Variants in SYTL5 observed in about 807,000 individuals in gnomAD.
The protein encoded by SYTL5 is synaptotagmin like 5.
In SYTL5, 34 loss-of-function variants were observed where a neutral mutation model predicts 55.9. The observed-to-expected ratio is 0.61, with a 90% CI of 0.46 to 0.81. SYTL5 has a LOEUF of 0.81. Among genes scored for constraint, SYTL5 ranks in the 30% least tolerant of loss-of-function variants. The pLI, the probability that SYTL5 is intolerant of heterozygous loss-of-function variation, is 0.00. For missense variants in SYTL5, 637 were observed against 546.7 expected (o/e 1.17, Z -1.65); for synonymous variants, 221 against 188.7 (o/e 1.17, Z -1.40).
chrX:37,928,476 C>T, the SYTL5 span, among the ~76,000 whole-genome samples: 2 of 111,296 alleles, frequency 1.8e-5, no homozygotes, highest in African/African-American at 3.3e-5. Flanking sequence ...CTTACACTTA[C>T]CAAGTTGAGT....
intron 1 of SYTL5, among the ~76,000 whole-genome samples, chrX:38,011,496 C>T (rs988594927): frequency 2.2e-4 from 24 of 110,881 alleles, no homozygotes; most frequent in African/African-American, 7.9e-4. Context: ...TAGCCGGGCG[C>T]GGTGGCTGCC....
chrX:38,091,416 C>T (rs778926039), intron 7 of SYTL5, among the ~76,000 whole-genome samples: 1 of 111,960 alleles, frequency 8.9e-6, no homozygotes, highest in Admixed American at 9.4e-5. Context: ...GGATAGTTGA[C>T]GAATACACTC....
intron 4 of SYTL5, among the ~76,000 whole-genome samples, chrX:38,073,110 T>C (rs1267846486): frequency 2.7e-5 from 3 of 112,044 alleles, no homozygotes; most frequent in African/African-American, 9.7e-5. Context: ...CAATCAGCCA[T>C]GGCCTCTTCT....
intron 13 of SYTL5, among the ~76,000 whole-genome samples, chrX:38,111,138 G>A (rs983380559): frequency 3.6e-5 from 4 of 111,842 alleles, no homozygotes; most frequent in Non-Finnish European, 7.5e-5. Context: ...GTGAGTAAAG[G>A]TCACATTTAT....
chrX:38,118,205 C>T (rs781267220), intron 13 of SYTL5, among the ~76,000 whole-genome samples: 8 of 111,374 alleles, frequency 7.2e-5, no homozygotes, highest in East Asian at 2.8e-4. Flanking sequence ...ATTTTTGCCC[C>T]GGGTAAGAAG....
the SYTL5 span, chrX:37,906,187 G>T: frequency 1.8e-5 from 2 of 112,187 alleles, no homozygotes; most frequent in Non-Finnish European, 3.8e-5. Context: ...ACTGTTTGGG[G>T]GACTCGCGGG....
At chrX:38,064,427 G>A (rs1413428481) in intron 3 of SYTL5, among the ~76,000 whole-genome samples, 1 of 111,150 alleles carries the variant, frequency 9.0e-6, no homozygotes, top group Non-Finnish European at 1.9e-5. Flanking sequence ...GCATTTTACT[G>A]CTTAAGTATG....
the SYTL5 span, among the ~76,000 whole-genome samples, chrX:37,949,878 T>C: frequency 8.9e-6 from 1 of 111,908 alleles, no homozygotes; most frequent in Non-Finnish European, 1.9e-5. Flanking sequence ...TTAATTCCAC[T>C]CTAGATCTCT....
chrX:37,974,137 C>A, the SYTL5 span, among the ~76,000 whole-genome samples: 1 of 111,234 alleles, frequency 9.0e-6, no homozygotes, highest in South Asian at 3.7e-4. Flanking sequence ...TACAGTATGG[C>A]AACTATAGTT....
chrX:38,073,487 C>T (rs991955274), intron 4 of SYTL5, 103 bp from the exon 5 acceptor site: 1 of 579,072 alleles, frequency 1.7e-6, no homozygotes, highest in Non-Finnish European at 2.7e-6. Context: ...TTATAGACTT[C>T]CTTGCCCTGA....
chrX:38,056,460 C>A (rs983703544), intron 3 of SYTL5, among the ~76,000 whole-genome samples: 4 of 111,621 alleles, frequency 3.6e-5, no homozygotes, highest in African/African-American at 6.5e-5. Context: ...ATACTGATTT[C>A]TTTTCTTTTG....
chrX:37,968,478 CTTCTTAAATAGTCCTATGA>C, the SYTL5 span, among the ~76,000 whole-genome samples: 1 of 110,651 alleles, frequency 9.0e-6, no homozygotes, highest in Non-Finnish European at 1.9e-5. Context: ...TTTGATAAGG[CTTCTTAAATAGTCCTATGA>C]TTCTGTGGGA....
intron 13 of SYTL5, among the ~76,000 whole-genome samples, chrX:38,119,032 T>G (rs1937539471): frequency 9.4e-6 from 1 of 106,654 alleles, no homozygotes; most frequent in African/African-American, 3.5e-5. Context: ...CAGGCTGGTC[T>G]CAAACTCCTG....
chrX:37,921,076 G>T, the SYTL5 span, among the ~76,000 whole-genome samples: 1 of 111,539 alleles, frequency 9.0e-6, no homozygotes, highest in Non-Finnish European at 1.9e-5. Context: ...AGGTGCCAAA[G>T]CAGTGTGGCC....
the SYTL5 span, among the ~76,000 whole-genome samples, chrX:37,900,355 A>G: frequency 8.9e-6 from 1 of 112,645 alleles, no homozygotes; most frequent in African/African-American, 3.2e-5. Flanking sequence ...CAGAAAATAA[A>G]GACATAAATG....
At chrX:37,966,436 CTTTTTTTTTT>C in the SYTL5 span, among the ~76,000 whole-genome samples, 1 of 78,155 alleles carries the variant, frequency 1.3e-5, no homozygotes, top group Non-Finnish European at 2.4e-5. Context: ...TTTTCTTTTT[CTTTTTTTTTT>C]TTTTTTTTTG....
intron 7 of SYTL5, among the ~76,000 whole-genome samples, chrX:38,090,713 C>G (rs1409968186): frequency 1.8e-5 from 2 of 112,525 alleles, no homozygotes; most frequent in Admixed American, 9.4e-5. Flanking sequence ...TTTTCTGGGG[C>G]AAGGTGTTCC....
intron 1 of SYTL5, among the ~76,000 whole-genome samples, chrX:38,009,514 C>G (rs1176788841): frequency 8.9e-6 from 1 of 111,953 alleles, no homozygotes; most frequent in Non-Finnish European, 1.9e-5. Flanking sequence ...TTCCTTTGCT[C>G]TCAATATCCA....
At chrX:37,982,586 T>C in the SYTL5 span, among the ~76,000 whole-genome samples, 1 of 111,748 alleles carries the variant, frequency 8.9e-6, no homozygotes, top group South Asian at 3.7e-4. Context: ...TAAAAAGCAA[T>C]TGTATAAAGC....
Sources: allele counts gnomAD v4.1 joint callset (sites outside exome capture counted in the v4.1 genomes callset), GRCh38; gene constraint gnomAD v4.1.1; transcripts MANE v1.5; gene names NCBI Gene and HGNC (gene_info 2026-07-23, HGNC 2026-07-21).